Variants in IQSEC1 observed in about 807,000 individuals in gnomAD.
IQSEC1 encodes IQ motif and Sec7 domain ArfGEF 1.
A neutral mutation model predicts 91.0 loss-of-function variants in IQSEC1; 31 were observed. The ratio of observed to expected loss-of-function variants is 0.34; its 90% CI spans 0.26 to 0.46. The LOEUF (loss-of-function observed/expected upper bound fraction) is 0.46. Ranked by LOEUF, IQSEC1 falls within the 20% of genes least tolerant of loss-of-function variation. The pLI is 1.00. For missense variants in IQSEC1, 1,388 were observed against 1,575.6 expected, an observed-to-expected ratio of 0.88 and a Z score of 2.02; for synonymous variants, 699 against 662.6, an observed-to-expected ratio of 1.05 and a Z score of -0.84.
At chr3:13,064,547 G>A (rs531111375) in intron 1 of IQSEC1, among the ~76,000 whole-genome samples, 2 of 152,382 alleles carry the variant, frequency 1.3e-5, no homozygotes, top group African/African-American at 4.8e-5. Flanking sequence ...ATGGATGCTG[G>A]AGTTCACTGG....
rs759644080 is a variant in IQSEC1, at chr3:12,936,666, C to T, written c.350G>A (p.Arg117His). 6 of 1,594,740 alleles carry T rather than the reference C, an allele frequency of 3.8e-6. No individual in the cohort carries two copies. Among genetic ancestry groups the T allele is most frequent in the East Asian group, 2.3e-5 (1 of 43,834 alleles). ...GCGGGCCGCATGGCGGGTTACCAGG[C>T]GCCCCCCATACTTTCGTTCTAGCAT... ...VEMLERKYGG[R>H]LVTRHAARTI... Residue 117 changes from arginine to histidine, a missense_variant, in exon 3 of 14, where the codon CGC (arginine) becomes CAC (histidine). Arg to His is a conservative substitution (Grantham distance 29). This residue lies in a region of IQSEC1 where 1,059 missense variants were observed against 1,317.8 expected (regional missense o/e 0.80). Coordinates refer to ENST00000613206, the MANE Select transcript of IQSEC1 (RefSeq NM_001134382.3).
intron 1 of IQSEC1, chr3:13,022,591 A>T: frequency 3.0e-6 from 1 of 334,166 alleles, no homozygotes; most frequent in Non-Finnish European, 4.3e-6. Flanking sequence ...GCTCAGAGAG[A>T]GGGAGGCGGG....
chr3:13,177,082 G>A (rs1269766292), intron 1 of IQSEC1, among the ~76,000 whole-genome samples: 2 of 152,236 alleles, frequency 1.3e-5, no homozygotes, highest in Non-Finnish European at 2.9e-5. Context: ...TATGTGGAGA[G>A]TTGGTTTTTG....
At chr3:13,093,534 C>A (rs1222995116) in intron 2 of IQSEC1, among the ~76,000 whole-genome samples, 1 of 152,156 alleles carries the variant, frequency 6.6e-6, no homozygotes, top group South Asian at 2.1e-4. Flanking sequence ...AGGGCAGGAA[C>A]TGGGGAGGCA....
intron 1 of IQSEC1, among the ~76,000 whole-genome samples, chr3:13,002,547 CAAAAAAA>C (rs57241537): frequency 9.3e-6 from 1 of 107,266 alleles, no homozygotes; most frequent in African/African-American, 3.5e-5. Context: ...ACCTGATCTC[CAAAAAAA>C]AAAAAAAAAA....
rs1575953912 is a variant in IQSEC1, at chr3:12,932,531, T to C, written c.1568+2917A>G. Among the ~76,000 whole-genome samples the C allele has an allele frequency of 2.0e-5, 3 of 152,282 alleles. No individual in the cohort carries two copies. In the South Asian group the frequency reaches 6.2e-4, roughly 32 times the overall value. On this transcript the variant is annotated intron_variant, in intron 3 of 13. Coordinates refer to ENST00000613206, the MANE Select transcript of IQSEC1 (RefSeq NM_001134382.3). Reference sequence around the variant, plus strand: ...GCGCACCGTCAGCACATGGAAGGATTAGCTATTCTCGTTATTTCTGACTGC... The same window carrying C: ...GCGCACCGTCAGCACATGGAAGGATCAGCTATTCTCGTTATTTCTGACTGC...
In IQSEC1 at chr3:13,071,881, C is replaced by T. The variant is rs373023274; in HGVS notation, c.23+1111G>A. ...CGCCATCCCCCGAACCAGAGGCCAC[C>T]GCCATCCCCCGTGGGTTGCCGCCTG... On this transcript the variant is annotated intron_variant, in intron 1 of 13. Coordinates refer to ENST00000613206, the MANE Select transcript of IQSEC1 (RefSeq NM_001134382.3). Among the ~76,000 whole-genome samples, 19 of 152,120 alleles carry T rather than the reference C, an allele frequency of 1.2e-4. No homozygotes were observed. In the East Asian group the frequency reaches 2.5e-3, roughly 20 times the overall value.
chr3:13,012,964 C>CT lies in IQSEC1; in HGVS notation c.23+60027dup, dbSNP rs35541458. Among the ~76,000 whole-genome samples the CT allele has an allele frequency of 1.7e-3, 163 of 97,502 alleles. 4 individuals carry two copies. The highest frequency in any genetic ancestry group is 5.1e-3 in the East Asian group (20 of 3,906). 64.0% of individuals were successfully genotyped at this position (97,502 alleles called of 152,430 possible). ...ACAGAAACTCCCATGAAAGTCTGGG[C>CT]TTTTTTTTTTTTTTTTGAGACAGTC... On this transcript the variant is annotated intron_variant, in intron 1 of 13. Coordinates refer to ENST00000613206, the MANE Select transcript of IQSEC1 (RefSeq NM_001134382.3).
intron 1 of IQSEC1, among the ~76,000 whole-genome samples, chr3:13,164,534 C>T (rs537025334): frequency 1.3e-5 from 2 of 152,260 alleles, no homozygotes; most frequent in South Asian, 2.1e-4. Context: ...TAAGTGAGAG[C>T]GGTGCGACTG....
intron 1 of IQSEC1, among the ~76,000 whole-genome samples, chr3:13,227,375 C>CAAAA (rs753199634): frequency 0.21 from 14,366 of 69,160 alleles, 1,809 homozygotes; most frequent in East Asian, 0.53. Context: ...GACTCTGTCT[C>CAAAA]AAAAAAAAAA....
intron 1 of IQSEC1, among the ~76,000 whole-genome samples, chr3:13,226,472 A>AC (rs565714219): frequency 3.3e-5 from 5 of 151,666 alleles, no homozygotes; most frequent in African/African-American, 4.8e-5. Context: ...AAAATTCTTG[A>AC]CCCCCCAGGC....
intron 1 of IQSEC1, among the ~76,000 whole-genome samples, chr3:12,951,529 G>A (rs746461837): frequency 5.4e-4 from 82 of 152,340 alleles, no homozygotes; most frequent in Middle Eastern, 6.8e-3. Context: ...TTTCCCAGGG[G>A]AGGCTGTTCT....
chr3:13,102,105 C>T (rs1009359350), intron 2 of IQSEC1, among the ~76,000 whole-genome samples: 2 of 151,382 alleles, frequency 1.3e-5, no homozygotes, highest in Non-Finnish European at 2.9e-5. Flanking sequence ...TGGCGAGACC[C>T]TGTCTCTACA....
At chr3:12,943,353 C>G (rs779649353) in intron 1 of IQSEC1, among the ~76,000 whole-genome samples, 1 of 152,244 alleles carries the variant, frequency 6.6e-6, no homozygotes, top group Non-Finnish European at 1.5e-5. Flanking sequence ...AACTCGCAAG[C>G]CTTTTCACTG....
chr3:13,033,422 T>C (rs1321470163), intron 1 of IQSEC1, among the ~76,000 whole-genome samples: 1 of 152,164 alleles, frequency 6.6e-6, no homozygotes, highest in Non-Finnish European at 1.5e-5. Flanking sequence ...CCTCTCTTCT[T>C]GGCTTGTATG....
intron 2 of IQSEC1, among the ~76,000 whole-genome samples, chr3:13,152,485 T>C (rs1707015579): frequency 6.6e-6 from 1 of 152,228 alleles, no homozygotes; most frequent in Admixed American, 6.5e-5. Flanking sequence ...AGGGCACTTG[T>C]TTTTTCCTCT....
At chr3:13,061,847 G>T (rs1162178872) in intron 1 of IQSEC1, among the ~76,000 whole-genome samples, 1 of 152,228 alleles carries the variant, frequency 6.6e-6, no homozygotes, top group Non-Finnish European at 1.5e-5. Flanking sequence ...CAGCCCAGTG[G>T]TTCGGGGGGC....
intron 2 of IQSEC1, among the ~76,000 whole-genome samples, chr3:13,096,650 G>A (rs897064326): frequency 3.9e-5 from 6 of 152,106 alleles, no homozygotes; most frequent in East Asian, 1.9e-4. Context: ...GCAAAGGCAC[G>A]GCAGCCTCCT....
chr3:13,279,542 T>C (rs2125158333), intron 1 of IQSEC1, among the ~76,000 whole-genome samples: 1 of 152,318 alleles, frequency 6.6e-6, no homozygotes, highest in South Asian at 2.1e-4. Flanking sequence ...ATGGACTGCA[T>C]GGATGGGGCA....
Sources: allele counts gnomAD v4.1 joint callset (sites outside exome capture counted in the v4.1 genomes callset), GRCh38; gene constraint gnomAD v4.1.1; regional missense constraint gnomAD v4.1.1; transcripts MANE v1.5; gene names NCBI Gene and HGNC (gene_info 2026-07-23, HGNC 2026-07-21).